TRIM61: variants seen among roughly 807,000 people sequenced by gnomAD.
TRIM61 encodes putative tripartite motif-containing protein 61.
Under a neutral mutation model 14.2 loss-of-function variants are expected in TRIM61, and 1 was observed. The ratio of observed to expected loss-of-function variants is 0.07; its 90% CI spans 0.03 to 0.33. TRIM61 has a LOEUF of 0.33. Ranked by LOEUF, TRIM61 falls within the 10% of genes least tolerant of loss-of-function variation. The pLI is 0.99. For missense variants in TRIM61, 19 were observed against 202.2 expected (o/e 0.09, Z 5.49); for synonymous variants, 8 against 71.6 (o/e 0.11, Z 4.49).
chr4:164,967,151 T>TA (rs1732260612), intron 3 of TRIM61, among the ~76,000 whole-genome samples: 1 of 152,108 alleles, frequency 6.6e-6, no homozygotes, highest in African/African-American at 2.4e-5. Context: ...ATAATCAACA[T>TA]AAAAAATTAA....
chr4:164,962,211 ATAG>A (rs1732151036), intron 3 of TRIM61, among the ~76,000 whole-genome samples: 1 of 150,244 alleles, frequency 6.7e-6, no homozygotes, highest in Non-Finnish European at 1.5e-5. Flanking sequence ...CAAGGACACA[ATAG>A]TTACTTCTTT....
intron 3 of TRIM61, among the ~76,000 whole-genome samples, chr4:164,966,664 G>A (rs1367597609): frequency 6.6e-6 from 1 of 152,196 alleles, no homozygotes; most frequent in African/African-American, 2.4e-5. Flanking sequence ...TGTAATTCCA[G>A]CACTTTGGGA....
chr4:164,955,855 A>C (rs1174803299), intron 3 of TRIM61, among the ~76,000 whole-genome samples: 1 of 152,148 alleles, frequency 6.6e-6, no homozygotes, highest in Non-Finnish European at 1.5e-5. Context: ...ATGAGATTAA[A>C]GAGGGTGTAG....
At chr4:164,964,371 C>G (rs893552043) in intron 3 of TRIM61, among the ~76,000 whole-genome samples, 4 of 147,418 alleles carry the variant, frequency 2.7e-5, no homozygotes, top group African/African-American at 1.0e-4. Context: ...AGAAAAGAAA[C>G]TAGAGAAAAA....
chr4:164,972,207 T>C (rs1375912966), intron 2 of TRIM61, among the ~76,000 whole-genome samples: 3 of 152,236 alleles, frequency 2.0e-5, no homozygotes, highest in East Asian at 1.9e-4. Flanking sequence ...GGCTCAGCTA[T>C]TGACTGTGTA....
chr4:164,959,181 T>C (rs1732079608), intron 3 of TRIM61: 1 of 166,894 alleles, frequency 6.0e-6, no homozygotes, highest in Admixed American at 6.5e-5. Flanking sequence ...CTAAAGTTCC[T>C]TTCTAAACTC....
rs1190793581 is a variant in TRIM61 at position 164,968,887 on chromosome 4, G to A, written c.525+591C>T. 1.1e-5 allele frequency: 11 copies of A among 988,740 alleles called. No homozygotes were observed. In the African/African-American group the frequency reaches 1.7e-4, roughly 16 times the overall value. The allele number at this position is 988,740 out of a possible 1,614,324, so 61.2% of individuals were successfully genotyped here. A position where few individuals can be genotyped will look rare whatever the true frequency, so the allele number is the denominator to read the frequency against. On this transcript the variant is annotated intron_variant, in intron 3 of 4. Transcript: ENST00000329314. ...AAATTGGTTGACTCTTCCTCCTTCT[G>A]GGAAGACAGTCATTACAGACACCAA...
chr4:164,976,195 T>C (rs1447257813), intron 2 of TRIM61, among the ~76,000 whole-genome samples: 1 of 152,160 alleles, frequency 6.6e-6, no homozygotes, highest in East Asian at 1.9e-4. Context: ...ATAATGAAAA[T>C]AATAATCAAT....
At chr4:164,955,713 C>T (rs755724177) in intron 3 of TRIM61, among the ~76,000 whole-genome samples, 2 of 152,036 alleles carry the variant, frequency 1.3e-5, no homozygotes, top group Non-Finnish European at 1.5e-5. Context: ...ATATCAGGGA[C>T]CAGCCCCAGA....
At chr4:164,976,518 C>T (rs1466188267) in intron 2 of TRIM61, among the ~76,000 whole-genome samples, 170 bp downstream of exon 2, 1 of 152,180 alleles carries the variant, frequency 6.6e-6, no homozygotes, top group South Asian at 2.1e-4. Flanking sequence ...CAGTCACCAC[C>T]CTAGTTTAAA....
intron 3 of TRIM61, among the ~76,000 whole-genome samples, chr4:164,962,775 AAAAAT>A (rs1454802263): frequency 4.6e-5 from 7 of 151,358 alleles, no homozygotes; most frequent in East Asian, 3.9e-4. Context: ...TAAAGTGCAT[AAAAAT>A]AAAATAAAGG....
chr4:164,971,164 A>C (rs1247474512), intron 2 of TRIM61, among the ~76,000 whole-genome samples: 1 of 152,200 alleles, frequency 6.6e-6, no homozygotes, highest in African/African-American at 2.4e-5. Flanking sequence ...TGTATCACAT[A>C]ATGTTGTACC....
intron 3 of TRIM61, chr4:164,957,134 A>T: frequency 1.2e-6 from 2 of 1,603,198 alleles, no homozygotes; most frequent in South Asian, 2.2e-5. Flanking sequence ...TTCCTGGTGC[A>T]GGGCTTCGGG....
intron 3 of TRIM61, among the ~76,000 whole-genome samples, chr4:164,967,939 G>T (rs1346942836): frequency 6.6e-6 from 1 of 152,002 alleles, no homozygotes; most frequent in African/African-American, 2.4e-5. Flanking sequence ...ATCACTGGAG[G>T]TCAGGAGTTC....
At chr4:164,967,213 A>T (rs1363160268) in intron 3 of TRIM61, among the ~76,000 whole-genome samples, 1 of 152,216 alleles carries the variant, frequency 6.6e-6, no homozygotes, top group Non-Finnish European at 1.5e-5. Context: ...TACACTAAAA[A>T]CTACAAATTT....
chr4:164,960,423 C>T (rs1393473109), intron 3 of TRIM61, among the ~76,000 whole-genome samples: 3 of 151,858 alleles, frequency 2.0e-5, no homozygotes, highest in Admixed American at 2.0e-4. Context: ...GGCATGGTGG[C>T]AGGCTCCTGT....
chr4:164,962,011 T>C (rs1449809344), intron 3 of TRIM61, among the ~76,000 whole-genome samples: 6 of 152,126 alleles, frequency 3.9e-5, no homozygotes, highest in African/African-American at 1.4e-4. Flanking sequence ...CTGAATACTA[T>C]AGACAACTGT....
chr4:164,967,234 T>G (rs1732262139), intron 3 of TRIM61, among the ~76,000 whole-genome samples: 1 of 152,240 alleles, frequency 6.6e-6, no homozygotes, highest in South Asian at 2.1e-4. Flanking sequence ...CAGAGACAAT[T>G]ACATAAAAAT....
Position 164,962,360 on chromosome 4 carries a change from A to G in TRIM61, c.525+7118T>C, listed in dbSNP as rs561498188. Reference sequence around the variant, plus strand: ...CTCAGCCTCCCGAGTAGCTGGGACTACAGGCGCCTGCCACCATGCCTGGCT... The same window carrying G: ...CTCAGCCTCCCGAGTAGCTGGGACTGCAGGCGCCTGCCACCATGCCTGGCT... On this transcript the variant is annotated intron_variant, in intron 3 of 4. Coordinates refer to ENST00000329314, the MANE Select transcript of TRIM61 (RefSeq NM_001012414.3). Among the ~76,000 whole-genome samples, 33 of 151,348 alleles carry G rather than the reference A, an allele frequency of 2.2e-4. 1 individual carries two copies. The East Asian group carries it at 5.5e-3, about 25-fold the overall frequency.
Sources: gnomAD v4.1 joint callset for allele counts (sites outside exome capture counted in the v4.1 genomes callset) on GRCh38, gnomAD v4.1.1 for gene constraint, MANE v1.5 for transcripts, NCBI Gene and HGNC (gene_info 2026-07-23, HGNC 2026-07-21) for gene names.